The following ABCB1 variants were observed in gnomAD, a reference collection of about 807,000 sequenced individuals.
ABCB1 encodes the protein ATP binding cassette subfamily B member 1.
A neutral mutation model predicts 142.0 loss-of-function variants in ABCB1; 69 were observed. That is an observed-to-expected ratio of 0.49 (90% CI 0.40 to 0.59). ABCB1 has a LOEUF of 0.59. Among genes scored for constraint, ABCB1 ranks in the 20% least tolerant of loss-of-function variants. ABCB1 has a pLI of 0.00. For missense variants in ABCB1, 1,326 were observed against 1,554.7 expected, an observed-to-expected ratio of 0.85 and a Z score of 2.47; for synonymous variants, 532 against 539.2, an observed-to-expected ratio of 0.99 and a Z score of 0.18.
At chr7:87,542,555 G>C (rs979431358) in intron 17 of ABCB1, among the ~76,000 whole-genome samples, 2 of 152,072 alleles carry the variant, frequency 1.3e-5, no homozygotes, top group East Asian at 3.8e-4. Flanking sequence ...CCAGCCCTGG[G>C]TCACTTACCT....
Position 87,503,388 on chromosome 7 carries a change from A to G in ABCB1, c.*855T>C, listed in dbSNP as rs763920033. Among the ~76,000 whole-genome samples the G allele has an allele frequency of 6.6e-6, 1 of 152,204 alleles. No homozygotes were observed. The highest frequency in any genetic ancestry group is 1.5e-5 in the Non-Finnish European group (1 of 68,030). The stretch of plus-strand genomic sequence containing the variant: ...GTTAAACTCATGGCACATTTTAAAC[A>G]TCTGTAAGTCAGAAGGATCACTTTT... On this transcript the variant is annotated 3_prime_UTR_variant, in exon 28 of 28. Transcript: ENST00000622132.
At chr7:87,629,962 C>G (rs918031000) in intron 1 of ABCB1, among the ~76,000 whole-genome samples, 5 of 151,210 alleles carry the variant, frequency 3.3e-5, no homozygotes, top group African/African-American at 1.2e-4. Flanking sequence ...GCCTAGTATT[C>G]AGAGATAACT....
At chr7:87,557,927 A>G (rs1477814863) in intron 8 of ABCB1, among the ~76,000 whole-genome samples, 1 of 152,208 alleles carries the variant, frequency 6.6e-6, no homozygotes, top group Non-Finnish European at 1.5e-5. Flanking sequence ...GCATTAAGAA[A>G]TGAGTTTAAT....
chr7:87,574,833 T>C (rs1321537832), intron 4 of ABCB1, among the ~76,000 whole-genome samples: 1 of 152,202 alleles, frequency 6.6e-6, no homozygotes, highest in Non-Finnish European at 1.5e-5. Flanking sequence ...TATGACTATT[T>C]ACACCTATCT....
intron 8 of ABCB1, among the ~76,000 whole-genome samples, chr7:87,556,585 C>T (rs575145665): frequency 1.3e-5 from 2 of 152,210 alleles, no homozygotes; most frequent in East Asian, 1.9e-4. Flanking sequence ...CAAGTTATAT[C>T]CCAAATCTAG....
chr7:87,509,150 A>T, intron 26 of ABCB1, 125 bp downstream of exon 26: 3 of 921,222 alleles, frequency 3.3e-6, no homozygotes, highest in Non-Finnish European at 5.2e-6. Flanking sequence ...GCTTGTATAC[A>T]GGTAAGGGTG....
chr7:87,614,735 C>T (rs1197911532), intron 1 of ABCB1, among the ~76,000 whole-genome samples: 1 of 152,138 alleles, frequency 6.6e-6, no homozygotes, highest in Non-Finnish European at 1.5e-5. Context: ...CCTGTCTCTC[C>T]TGCTAATATC....
At chr7:87,658,978 C>T (rs1221816829) in intron 1 of ABCB1, among the ~76,000 whole-genome samples, 1 of 152,104 alleles carries the variant, frequency 6.6e-6, no homozygotes, top group Non-Finnish European at 1.5e-5. Flanking sequence ...ATGGCAAAAC[C>T]CTGTCTCTAC....
chr7:87,684,746 CAAAAAAAAAAAAAA>C (rs71524694), intron 1 of ABCB1, among the ~76,000 whole-genome samples: 31 of 37,792 alleles, frequency 8.2e-4, no homozygotes, highest in Non-Finnish European at 1.1e-3. Context: ...GACTCCGTCT[CAAAAAAAAAAAAAA>C]AAAAAAAAAA....
At chr7:87,669,055 G>C (rs1825565336) in intron 1 of ABCB1, among the ~76,000 whole-genome samples, 1 of 152,038 alleles carries the variant, frequency 6.6e-6, no homozygotes, top group African/African-American at 2.4e-5. Flanking sequence ...TCAATGATCT[G>C]TTTAATACTG....
At chr7:87,549,556 A>G in intron 13 of ABCB1, 38 bp from the exon 14 acceptor site, 1 of 1,614,036 alleles carries the variant, frequency 6.2e-7, no homozygotes, top group Non-Finnish European at 8.5e-7. Context: ...GCATAAGGAC[A>G]AGCTATCTCA....
intron 14 of ABCB1, among the ~76,000 whole-genome samples, chr7:87,546,620 C>T (rs1005698270): frequency 4.6e-5 from 7 of 151,666 alleles, no homozygotes; most frequent in Non-Finnish European, 8.8e-5. Context: ...CAACAAATTC[C>T]TACAGACCAG....
At chr7:87,709,892 G>A (rs921376006) in intron 1 of ABCB1, among the ~76,000 whole-genome samples, 3 of 152,194 alleles carry the variant, frequency 2.0e-5, no homozygotes, top group African/African-American at 4.8e-5. Context: ...TAGAAAGTCC[G>A]TAAGAAAATT....
At chr7:87,654,516 C>T (rs1823890309) in intron 1 of ABCB1, among the ~76,000 whole-genome samples, 1 of 152,098 alleles carries the variant, frequency 6.6e-6, no homozygotes, top group South Asian at 2.1e-4. Flanking sequence ...GTTGAGACAA[C>T]TGGTTAGCCA....
At chr7:87,521,609 C>T in intron 21 of ABCB1, 1 of 765,740 alleles carries the variant, frequency 1.3e-6, no homozygotes, top group South Asian at 1.3e-5. Flanking sequence ...ATGAGAGATC[C>T]AAATACCAAG....
chr7:87,671,955 G>C (rs1254919190), intron 1 of ABCB1, among the ~76,000 whole-genome samples: 1 of 152,166 alleles, frequency 6.6e-6, no homozygotes, highest in African/African-American at 2.4e-5. Flanking sequence ...GTCCTGCCCA[G>C]TGAGGAGAAG....
At chr7:87,668,810 T>G (rs1398923691) in intron 1 of ABCB1, among the ~76,000 whole-genome samples, 1 of 152,212 alleles carries the variant, frequency 6.6e-6, no homozygotes, top group African/African-American at 2.4e-5. Flanking sequence ...TAGTCTTGAC[T>G]TCTATTTTTA....
intron 19 of ABCB1, among the ~76,000 whole-genome samples, chr7:87,538,349 GCT>G: frequency 6.6e-6 from 1 of 152,176 alleles, no homozygotes. Flanking sequence ...TTCAGTCCTG[GCT>G]CTGTCAGTCA....
chr7:87,640,520 T>A (rs1038823311), intron 1 of ABCB1, among the ~76,000 whole-genome samples: 3 of 151,992 alleles, frequency 2.0e-5, no homozygotes, highest in Non-Finnish European at 4.4e-5. Context: ...ATTTTTTTTT[T>A]AATTTGTAGA....
Sources: gnomAD v4.1 joint callset for allele counts (sites outside exome capture counted in the v4.1 genomes callset) on GRCh38, gnomAD v4.1.1 for gene constraint, MANE v1.5 for transcripts, NCBI Gene and HGNC (gene_info 2026-07-23, HGNC 2026-07-21) for gene names.